MME: variants seen among roughly 807,000 people sequenced by gnomAD.
MME encodes the protein membrane metalloendopeptidase, also known as neprilysin.
MME carries 98 observed loss-of-function variants against 113.2 expected under a neutral mutation model. That is an observed-to-expected ratio of 0.87 (90% CI 0.74 to 1.02). The LOEUF is 1.02. Among genes scored for constraint, MME ranks in the 50% least tolerant of loss-of-function variants. The pLI is 0.00. For missense variants in MME, 836 were observed against 896.0 expected, an observed-to-expected ratio of 0.93 and a Z score of 0.86; for synonymous variants, 292 against 300.6, an observed-to-expected ratio of 0.97 and a Z score of 0.30.
intron 17 of MME, among the ~76,000 whole-genome samples, chr3:155,163,612 TC>T (rs1722871556): frequency 6.6e-6 from 1 of 152,204 alleles, no homozygotes; most frequent in Non-Finnish European, 1.5e-5. Flanking sequence ...AAAATCGCAG[TC>T]AAGGAAATAA....
At chr3:155,064,182 G>T (rs1413211436) in intron 1 of MME, among the ~76,000 whole-genome samples, 1 of 152,040 alleles carries the variant, frequency 6.6e-6, no homozygotes, top group Admixed American at 6.5e-5. Flanking sequence ...CCAGGTAGTC[G>T]GGAGGCTGAG....
At position 155,181,360 on chromosome 3, in the gene MME, TTGA is replaced by T. The variant is rs1713072140; in HGVS notation, c.*905_*907del. On this transcript the variant is annotated 3_prime_UTR_variant, in exon 23 of 23. Coordinates refer to ENST00000360490, the MANE Select transcript of MME (RefSeq NM_007289.4). Reference sequence around the variant, plus strand: ...AGACTATTTAAACTTATAAATCATATTGATGAAAAGATTTAAGCACAAACTTTA... The same window carrying T: ...AGACTATTTAAACTTATAAATCATATTGAAAAGATTTAAGCACAAACTTTA... The T allele has an allele frequency of 6.6e-6, 1 of 152,084 alleles. No individual in the cohort carries two copies. The highest frequency in any genetic ancestry group is 2.1e-4 in the South Asian group (1 of 4,826). 9.4% of individuals were successfully genotyped at this position (152,084 alleles called of 1,614,324 possible).
intron 1 of MME, among the ~76,000 whole-genome samples, chr3:155,039,948 A>G (rs967315341): frequency 1.2e-4 from 18 of 152,204 alleles, no homozygotes; most frequent in African/African-American, 4.3e-4. Context: ...TTTTTTTAAC[A>G]AAATGAGCAT....
intron 1 of MME, among the ~76,000 whole-genome samples, chr3:155,048,082 A>C (rs1489622645): frequency 1.3e-5 from 2 of 152,150 alleles, no homozygotes; most frequent in Non-Finnish European, 2.9e-5. Context: ...TGGAGATCAA[A>C]GCTCCGTCCC....
chr3:155,085,190 C>T (rs1296377272), intron 3 of MME, 96 bp downstream of exon 3: 1 of 748,840 alleles, frequency 1.3e-6, no homozygotes, highest in African/African-American at 1.8e-5. Context: ...CACTTTTATT[C>T]ATTGTAGATC....
intron 3 of MME, among the ~76,000 whole-genome samples, chr3:155,114,607 G>C (rs1425660222): frequency 1.3e-5 from 2 of 152,216 alleles, no homozygotes; most frequent in East Asian, 1.9e-4. Context: ...TTGAAGAGCA[G>C]AGTTGGCAAC....
intron 14 of MME, 116 bp from the exon 15 acceptor site, chr3:155,147,028 A>G: frequency 1.4e-6 from 1 of 711,328 alleles, no homozygotes; most frequent in East Asian, 2.7e-5. Context: ...TATGTCAGAC[A>G]CTCATTTTAT....
chr3:155,035,724 G>A (rs1241166315), intron 1 of MME, among the ~76,000 whole-genome samples: 1 of 152,174 alleles, frequency 6.6e-6, no homozygotes, highest in Non-Finnish European at 1.5e-5. Flanking sequence ...GAACATTAGG[G>A]AAAGTGGAAG....
exon 1 of MME, chr3:155,024,271 A>C (rs1179230225): frequency 6.6e-6 from 1 of 152,176 alleles, no homozygotes; most frequent in East Asian, 1.9e-4. Context: ...AAGCTGGCCC[A>C]AGGGTGTACA....
upstream of MME, among the ~76,000 whole-genome samples, chr3:155,075,677 A>G (rs1195433035): frequency 6.6e-6 from 1 of 152,142 alleles, no homozygotes; most frequent in East Asian, 1.9e-4. Flanking sequence ...TCTTTCCAAC[A>G]ACATAAGTAA....
At chr3:155,073,907 T>G (rs963846126) in intron 1 of MME, among the ~76,000 whole-genome samples, 2 of 152,198 alleles carry the variant, frequency 1.3e-5, no homozygotes, top group Non-Finnish European at 1.5e-5. Context: ...ACAATCATAT[T>G]ACTGTCTTAT....
chr3:155,110,816 T>G (rs891366355), intron 3 of MME, among the ~76,000 whole-genome samples: 1 of 152,238 alleles, frequency 6.6e-6, no homozygotes, highest in African/African-American at 2.4e-5. Flanking sequence ...TGTAAATATG[T>G]TAGTATATAT....
At chr3:155,154,440 C>G (rs1244552949) in intron 16 of MME, among the ~76,000 whole-genome samples, 4 of 152,088 alleles carry the variant, frequency 2.6e-5, no homozygotes, top group South Asian at 4.2e-4. Flanking sequence ...TTTAAAAGCC[C>G]TGTGGTTTCC....
At chr3:155,074,998 T>C (rs1714699119), upstream of MME, among the ~76,000 whole-genome samples, 2 of 152,186 alleles carry the variant, frequency 1.3e-5, no homozygotes, top group Middle Eastern at 6.8e-3. Flanking sequence ...GTTATCCAGA[T>C]CTTCTATATC....
intron 1 of MME, among the ~76,000 whole-genome samples, chr3:155,042,922 A>ATATATATATATATG (rs1559890098): frequency 3.8e-4 from 24 of 63,716 alleles, no homozygotes; most frequent in Non-Finnish European, 4.6e-4. Context: ...ATATATATAT[A>ATATATATATATATG]TATATATATA....
At chr3:155,109,942 T>C (rs1289867518) in intron 3 of MME, among the ~76,000 whole-genome samples, 1 of 152,226 alleles carries the variant, frequency 6.6e-6, no homozygotes, top group Non-Finnish European at 1.5e-5. Context: ...TGCATCCACC[T>C]AGCGTGGCCT....
At chr3:155,078,691 G>A (rs1714865791), upstream of MME, among the ~76,000 whole-genome samples, 1 of 149,732 alleles carries the variant, frequency 6.7e-6, no homozygotes, top group South Asian at 2.1e-4. Context: ...GTGTGTGTGT[G>A]TAATTACCTG....
chr3:155,115,164 A>G lies in MME; in HGVS notation c.358+9A>G. Reference sequence around the variant, plus strand: ...AGAAGTCGTTTTGAAAGGTTAGTAGAGATTGTGTCTGTGCATCAAAGATTT... The same window carrying G: ...AGAAGTCGTTTTGAAAGGTTAGTAGGGATTGTGTCTGTGCATCAAAGATTT... On this transcript the variant is annotated intron_variant, in intron 4 of 22. Transcript: ENST00000360490. 6.2e-7 allele frequency: 1 copy of G among 1,613,784 alleles called. No homozygotes were observed. Among genetic ancestry groups the G allele is most frequent in the Non-Finnish European group, 8.5e-7 (1 of 1,179,816 alleles).
intron 12 of MME, among the ~76,000 whole-genome samples, chr3:155,142,621 T>A (rs1380741113): frequency 6.6e-6 from 1 of 152,180 alleles, no homozygotes; most frequent in Non-Finnish European, 1.5e-5. Flanking sequence ...TTGTTGTTGT[T>A]ACTGTGTTAA....
Sources: gnomAD v4.1 joint callset for allele counts (sites outside exome capture counted in the v4.1 genomes callset) on GRCh38, gnomAD v4.1.1 for gene constraint, MANE v1.5 for transcripts, NCBI Gene and HGNC (gene_info 2026-07-23, HGNC 2026-07-21) for gene names.